MACROD2: variants seen among roughly 807,000 people sequenced by gnomAD.
MACROD2 encodes the protein mono-ADP ribosylhydrolase 2.
A neutral mutation model predicts 70.4 loss-of-function variants in MACROD2; 36 were observed. The observed-to-expected ratio is 0.51, with a 90% CI of 0.39 to 0.68. MACROD2 has a LOEUF of 0.68. MACROD2 is among the 30% of genes least tolerant of loss of function. The pLI, the probability that MACROD2 is intolerant of heterozygous loss-of-function variation, is 0.00. For synonymous variants in MACROD2, 172 were observed against 178.8 expected, an observed-to-expected ratio of 0.96 and a Z score of 0.30; for missense variants, 496 against 538.4, an observed-to-expected ratio of 0.92 and a Z score of 0.78.
chr20:15,042,933 G>A (rs958201983), intron 5 of MACROD2, among the ~76,000 whole-genome samples: 7 of 152,140 alleles, frequency 4.6e-5, no homozygotes, highest in Non-Finnish European at 8.8e-5. Flanking sequence ...GACATGGCAC[G>A]GAACTTTAAG....
intron 4 of MACROD2, among the ~76,000 whole-genome samples, chr20:14,660,696 C>T (rs577533109): frequency 4.6e-5 from 7 of 152,202 alleles, no homozygotes; most frequent in South Asian, 4.1e-4. Context: ...CACCAGCCCT[C>T]GATTTCTCCC....
intron 3 of MACROD2, among the ~76,000 whole-genome samples, chr20:14,166,314 C>G (rs1173038179): frequency 1.3e-5 from 2 of 151,608 alleles, no homozygotes; most frequent in Non-Finnish European, 2.9e-5. Context: ...TCCTTTTAGA[C>G]AATTCCGTGT....
At chr20:15,863,418 C>T (rs1050596200) in intron 9 of MACROD2, among the ~76,000 whole-genome samples, 4 of 152,104 alleles carry the variant, frequency 2.6e-5, no homozygotes, top group Non-Finnish European at 4.4e-5. Context: ...GTATTTACAT[C>T]GATTGAATGT....
chr20:16,020,773 GAA>G (rs2066990967), intron 15 of MACROD2, among the ~76,000 whole-genome samples: 1 of 151,898 alleles, frequency 6.6e-6, no homozygotes, highest in South Asian at 2.1e-4. Flanking sequence ...GGGATGGGGG[GAA>G]GGAAATCCAT....
At chr20:14,454,985 C>G (rs2084285256) in intron 3 of MACROD2, among the ~76,000 whole-genome samples, 1 of 151,904 alleles carries the variant, frequency 6.6e-6, no homozygotes, top group South Asian at 2.1e-4. Flanking sequence ...ATCTCCTGAC[C>G]TCGTGATCCG....
intron 5 of MACROD2, among the ~76,000 whole-genome samples, chr20:15,176,214 G>A (rs761722218): frequency 1.3e-5 from 2 of 152,184 alleles, no homozygotes; most frequent in Non-Finnish European, 2.9e-5. Context: ...GGGCCTGCAG[G>A]TACCCCTTGG....
intron 8 of MACROD2, 54 bp downstream of exon 8, chr20:15,499,901 A>T: frequency 6.4e-7 from 1 of 1,557,262 alleles, no homozygotes; most frequent in East Asian, 2.2e-5. Flanking sequence ...TTTGATGCTC[A>T]GTTCCCCCCA....
At chr20:14,999,869 A>C (rs1387587556) in intron 5 of MACROD2, among the ~76,000 whole-genome samples, 1 of 152,238 alleles carries the variant, frequency 6.6e-6, no homozygotes, top group Non-Finnish European at 1.5e-5. Context: ...TTTTGTATGC[A>C]ATATGGGTAG....
intron 5 of MACROD2, among the ~76,000 whole-genome samples, chr20:14,786,753 C>G (rs1252774063): frequency 6.6e-6 from 1 of 152,058 alleles, no homozygotes; most frequent in African/African-American, 2.4e-5. Context: ...GATCACCTAT[C>G]TCTTCAGAAT....
At chr20:15,931,806 TCC>T (rs1248703476) in intron 10 of MACROD2, among the ~76,000 whole-genome samples, 2 of 152,150 alleles carry the variant, frequency 1.3e-5, no homozygotes, top group Non-Finnish European at 2.9e-5. Flanking sequence ...AAACTTTTTT[TCC>T]CCATTTAGGT....
intron 10 of MACROD2, among the ~76,000 whole-genome samples, chr20:15,907,532 A>G (rs190705531): frequency 6.6e-6 from 1 of 152,358 alleles, no homozygotes; most frequent in East Asian, 1.9e-4. Flanking sequence ...CAAATCAACT[A>G]ATTAGCAAAG....
intron 5 of MACROD2, among the ~76,000 whole-genome samples, chr20:15,205,925 G>T (rs934851317): frequency 1.9e-4 from 29 of 152,212 alleles, no homozygotes; most frequent in African/African-American, 6.8e-4. Context: ...AATACAGCCT[G>T]CCACAGGGAA....
chr20:14,770,853 C>G (rs538239333), intron 5 of MACROD2, among the ~76,000 whole-genome samples: 7 of 152,012 alleles, frequency 4.6e-5, no homozygotes, highest in Admixed American at 1.3e-4. Flanking sequence ...CAGGCTGGCT[C>G]CAGTGCCATA....
intron 3 of MACROD2, among the ~76,000 whole-genome samples, chr20:14,454,032 A>G (rs2122993912): frequency 6.6e-6 from 1 of 152,104 alleles, no homozygotes; most frequent in East Asian, 1.9e-4. Context: ...TCACATTCTT[A>G]TTAGCAATGT....
Position 15,122,402 on chromosome 20 carries a change from A to G in MACROD2, c.419-107538A>G, listed in dbSNP as rs1400669873. Among the ~76,000 whole-genome samples the G allele has an allele frequency of 2.0e-5, 3 of 152,212 alleles. 1 individual carries two copies. The highest frequency in any genetic ancestry group is 7.2e-5 in the African/African-American group (3 of 41,460). On this transcript the variant is annotated intron_variant, in intron 5 of 17. Transcript: ENST00000684519. ...TGCTGCATTACAAGGAAAGTTATTCAGGAACATGCCCACTGTGGCAAATTT... is the reference window on the plus strand; with the variant it reads ...TGCTGCATTACAAGGAAAGTTATTCGGGAACATGCCCACTGTGGCAAATTT...
At chr20:14,317,414 T>G (rs1364283735) in intron 3 of MACROD2, among the ~76,000 whole-genome samples, 2 of 151,924 alleles carry the variant, frequency 1.3e-5, no homozygotes, top group Non-Finnish European at 2.9e-5. Flanking sequence ...GGTCAAGAGA[T>G]CAAGACCATC....
intron 8 of MACROD2, among the ~76,000 whole-genome samples, chr20:15,568,054 G>A (rs1377207554): frequency 2.0e-5 from 3 of 152,182 alleles, no homozygotes; most frequent in Admixed American, 6.5e-5. Flanking sequence ...TAAATTTTCT[G>A]TTGACTTTAG....
intron 3 of MACROD2, among the ~76,000 whole-genome samples, chr20:14,192,964 A>G (rs1391813234): frequency 6.6e-6 from 1 of 152,222 alleles, no homozygotes; most frequent in Non-Finnish European, 1.5e-5. Context: ...CAGCTGCACA[A>G]ATAATGTCAC....
chr20:15,241,074 T>C (rs1407105509), intron 6 of MACROD2, among the ~76,000 whole-genome samples: 1 of 152,202 alleles, frequency 6.6e-6, no homozygotes, highest in Non-Finnish European at 1.5e-5. Context: ...TTTGTGTATG[T>C]TTGAAATTTT....
Sources: allele counts gnomAD v4.1 joint callset (sites outside exome capture counted in the v4.1 genomes callset), GRCh38; gene constraint gnomAD v4.1.1; transcripts MANE v1.5; gene names NCBI Gene and HGNC (gene_info 2026-07-23, HGNC 2026-07-21).